Variants in SMARCAL1 observed in about 807,000 individuals in gnomAD.
SMARCAL1 encodes the protein SNF2 related chromatin remodeling annealing helicase 1, also known as ATP-driven annealing helicase.
SMARCAL1 carries 58 observed loss-of-function variants against 94.5 expected under a neutral mutation model. That is an observed-to-expected ratio of 0.61 (90% confidence interval 0.50 to 0.76). SMARCAL1 has a LOEUF of 0.76. SMARCAL1 is among the 30% of genes least tolerant of loss of function. SMARCAL1 has a pLI of 0.00. For synonymous variants in SMARCAL1, 422 were observed against 455.1 expected, an observed-to-expected ratio of 0.93 and a Z score of 0.93; for missense variants, 1,051 against 1,177.9, an observed-to-expected ratio of 0.89 and a Z score of 1.58.
Position 216,420,295 on chromosome 2 carries a change from G to T in SMARCAL1, c.863-4G>T, listed in dbSNP as rs1693689203. 5 of 1,611,596 alleles carry T rather than the reference G, an allele frequency of 3.1e-6. No individual in the cohort carries two copies. Among genetic ancestry groups the T allele is most frequent in the Non-Finnish European group, 4.2e-6 (5 of 1,178,076 alleles). ...ACTTCTGTTCGATTCTTCTTCTTTG[G>T]CAGTGAAAGCAGCCCAGAGCCTCCC... On this transcript the variant is annotated splice_polypyrimidine_tract_variant and splice_region_variant and intron_variant, in intron 4 of 17. Coordinates refer to ENST00000357276, the MANE Select transcript of SMARCAL1 (RefSeq NM_014140.4).
intron 12 of SMARCAL1, among the ~76,000 whole-genome samples, chr2:216,460,121 C>A (rs1694662785): frequency 6.6e-6 from 1 of 152,160 alleles, no homozygotes; most frequent in Admixed American, 6.5e-5. Flanking sequence ...AAATGCAAAT[C>A]AAAACCACAA....
intron 12 of SMARCAL1, among the ~76,000 whole-genome samples, chr2:216,461,191 A>G (rs931904226): frequency 7.2e-5 from 11 of 152,134 alleles, no homozygotes; most frequent in Non-Finnish European, 1.2e-4. Context: ...ATTAAATTCA[A>G]AAATTTCCTA....
chr2:216,456,837 C>T (rs2106062540), intron 12 of SMARCAL1, among the ~76,000 whole-genome samples: 1 of 152,282 alleles, frequency 6.6e-6, no homozygotes, highest in East Asian at 1.9e-4. Context: ...CAAATTCACA[C>T]ATAACAATAT....
chr2:216,443,859 C>T (rs967752798), intron 10 of SMARCAL1, among the ~76,000 whole-genome samples: 3 of 152,186 alleles, frequency 2.0e-5, no homozygotes, highest in African/African-American at 7.2e-5. Flanking sequence ...CACTCAGGAG[C>T]AGAGTAAAGA....
At chr2:216,456,044 G>A (rs1408137757) in intron 12 of SMARCAL1, among the ~76,000 whole-genome samples, 3 of 152,180 alleles carry the variant, frequency 2.0e-5, no homozygotes, top group Non-Finnish European at 2.9e-5. Flanking sequence ...CGAGAACTAC[G>A]TGACGAATGC....
rs759490867 is a variant in SMARCAL1, at chr2:216,482,727, C to T, written c.2626-11C>T. 6.2e-7 allele frequency: 1 copy of T among 1,614,156 alleles called. No homozygotes were observed. Among genetic ancestry groups the T allele is most frequent in the Admixed American group, 1.7e-5 (1 of 60,022 alleles). On this transcript the variant is annotated splice_polypyrimidine_tract_variant and intron_variant, in intron 17 of 17. Transcript: ENST00000357276. The surrounding 1 kb of genome is among the most constrained non-coding windows in gnomAD (Gnocchi z 4.3). ...CTTCCTTTTATCTTTTGTTTTCTTT[C>T]TCTGATGAAGGACCCAAAGCAGCAG...
At chr2:216,431,337 T>G (rs965207328) in intron 7 of SMARCAL1, among the ~76,000 whole-genome samples, 1 of 152,240 alleles carries the variant, frequency 6.6e-6, no homozygotes, top group African/African-American at 2.4e-5. Context: ...AGCGGCTTAT[T>G]ATCAGGATTC....
chr2:216,442,364 C>T (rs947157323), intron 10 of SMARCAL1, among the ~76,000 whole-genome samples: 11 of 145,546 alleles, frequency 7.6e-5, no homozygotes, highest in South Asian at 2.1e-4. Context: ...TTGCCCTGAG[C>T]GGAGATCGCA....
Position 216,477,105 on chromosome 2 carries a change from A to C in SMARCAL1, c.2428-4A>C. 1.3e-6 allele frequency: 2 copies of C among 1,566,512 alleles called. No individual in the cohort carries two copies. Among genetic ancestry groups the C allele is most frequent in the Non-Finnish European group, 1.7e-6 (2 of 1,155,410 alleles). On this transcript the variant is annotated splice_region_variant and splice_polypyrimidine_tract_variant and intron_variant, in intron 15 of 17. Transcript: ENST00000357276. ...CCTGCCTGTCTCAATTCCTGGACACACAGGTGCTGATCCAGGCTGAGGACC... is the reference window on the plus strand; with the variant it reads ...CCTGCCTGTCTCAATTCCTGGACACCCAGGTGCTGATCCAGGCTGAGGACC...
chr2:216,465,183 C>A (rs921053819), intron 13 of SMARCAL1, among the ~76,000 whole-genome samples: 3 of 152,144 alleles, frequency 2.0e-5, no homozygotes, highest in Non-Finnish European at 2.9e-5. Flanking sequence ...GTTTAGGGCA[C>A]CCTGCTGTTA....
At chr2:216,454,399 G>T (rs1574470088) in intron 12 of SMARCAL1, among the ~76,000 whole-genome samples, 2 of 152,140 alleles carry the variant, frequency 1.3e-5, no homozygotes, top group East Asian at 1.9e-4. Flanking sequence ...TCTGTGCTGG[G>T]CATGGTGCTT....
chr2:216,434,057 TC>T (rs1418676723), intron 8 of SMARCAL1, among the ~76,000 whole-genome samples: 2 of 151,922 alleles, frequency 1.3e-5, no homozygotes, highest in African/African-American at 4.8e-5. Context: ...CCCAGGCTGG[TC>T]TTGAACTCCT....
rs112646331 is a variant in SMARCAL1, at chr2:216,460,062, T to G, written c.2071-4535T>G. Among the ~76,000 whole-genome samples the G allele has an allele frequency of 9.9e-5, 15 of 152,214 alleles. 1 individual carries two copies. In the South Asian group the frequency reaches 1.7e-3, roughly 17 times the overall value. On this transcript the variant is annotated intron_variant, in intron 12 of 17. Coordinates refer to ENST00000357276, the MANE Select transcript of SMARCAL1 (RefSeq NM_014140.4). ...ACACTTCTCAAAAGAAGACATTTAT[T>G]CAGCCAACAGACACATGAAAAAATG...
chr2:216,469,354 T>C (rs1486520976), intron 14 of SMARCAL1, among the ~76,000 whole-genome samples: 3 of 144,948 alleles, frequency 2.1e-5, no homozygotes, highest in African/African-American at 7.7e-5. Context: ...CGACCTTGGC[T>C]CACTGCAAGC....
chr2:216,441,476 A>T (rs1472625578), intron 10 of SMARCAL1, among the ~76,000 whole-genome samples: 1 of 152,240 alleles, frequency 6.6e-6, no homozygotes, highest in Non-Finnish European at 1.5e-5. Flanking sequence ...CACTGTTAAC[A>T]GCTTATTTTT....
chr2:216,468,173 A>T (rs1036439682), intron 14 of SMARCAL1, 127 bp downstream of exon 14: 1 of 708,280 alleles, frequency 1.4e-6, no homozygotes, highest in African/African-American at 1.8e-5. Context: ...AGACTTTCTG[A>T]AGAAGAGTTC....
At chr2:216,435,914 A>G (rs1318399389) in intron 9 of SMARCAL1, among the ~76,000 whole-genome samples, 2 of 152,124 alleles carry the variant, frequency 1.3e-5, no homozygotes, top group South Asian at 2.1e-4. Flanking sequence ...CAATGTGAAG[A>G]TACACCCCCA....
At chr2:216,429,683 G>A (rs1693920266) in intron 7 of SMARCAL1, among the ~76,000 whole-genome samples, 1 of 152,010 alleles carries the variant, frequency 6.6e-6, no homozygotes, top group South Asian at 2.1e-4. Flanking sequence ...ACAACAGCCT[G>A]CCTGCTCGAA....
rs1015452878 is a variant in SMARCAL1, at chr2:216,415,237, C to G, written c.533C>G (p.Ala178Gly). ...CCAAAGAGTTCCCAAGAGACACCAG[C>G]TCATTCCTCTGGACAGCCTCCCAGG... is the stretch of plus-strand genomic sequence containing the variant. ...AKPKSSQETP[A>G]HSSGQPPRDA... The change falls in exon 3 of 18, where the codon GCT becomes GGT. Residue 178 changes from alanine (A) to glycine (G), a missense_variant. This residue lies in a region of SMARCAL1 where 398 missense variants were observed against 395.2 expected (regional missense o/e 1.01). Transcript: ENST00000357276. 2.5e-6 allele frequency: 4 copies of G among 1,614,134 alleles called. No homozygotes were observed. The highest frequency in any genetic ancestry group is 3.4e-6 in the Non-Finnish European group (4 of 1,180,054).
Sources: allele counts gnomAD v4.1 joint callset (sites outside exome capture counted in the v4.1 genomes callset), GRCh38; gene constraint gnomAD v4.1.1; regional missense constraint gnomAD v4.1.1; non-coding constraint Gnocchi (gnomAD v3.1); transcripts MANE v1.5; gene names NCBI Gene and HGNC (gene_info 2026-07-23, HGNC 2026-07-21).